Variants in IL1RAPL1 observed in about 807,000 individuals in gnomAD.
IL1RAPL1 encodes the protein interleukin 1 receptor accessory protein like 1, also known as interleukin-1 receptor accessory protein-like 1.
IL1RAPL1 carries 3 observed loss-of-function variants against 48.4 expected under a neutral mutation model. The ratio of observed to expected loss-of-function variants is 0.06; its 90% CI spans 0.03 to 0.16. The LOEUF (loss-of-function observed/expected upper bound fraction) is 0.16. Among genes scored for constraint, IL1RAPL1 ranks in the 10% least tolerant of loss-of-function variants. The pLI is 1.00. For synonymous variants in IL1RAPL1, 185 were observed against 187.7 expected (o/e 0.99, Z 0.12); for missense variants, 349 against 530.6 (o/e 0.66, Z 3.36).
chrX:28,587,705 TCTC>T lies in IL1RAPL1; in HGVS notation c.-363_-361del, dbSNP rs1933856967. 9.1e-6 allele frequency: 1 copy of T among 110,075 alleles called. No individual in the cohort carries two copies. The highest frequency in any genetic ancestry group is 1.9e-5 in the Non-Finnish European group (1 of 52,835). 9.1% of individuals were successfully genotyped at this position (110,075 alleles called of 1,213,427 possible). A position where few individuals can be genotyped will look rare whatever the true frequency, so the allele number is the denominator to read the frequency against. Reference sequence around the variant, plus strand: ...TATTTTCCCCTCTCTTTTTCTGCTCTCTCCTCTCTCAGTCTCTCCTTTTCTATC... The same window carrying T: ...TATTTTCCCCTCTCTTTTTCTGCTCTCTCTCTCAGTCTCTCCTTTTCTATC... On this transcript the variant is annotated 5_prime_UTR_variant, in exon 1 of 11. Transcript: ENST00000378993.
At chrX:28,592,670 G>A (rs1233040794) in intron 1 of IL1RAPL1, among the ~76,000 whole-genome samples, 1 of 111,442 alleles carries the variant, frequency 9.0e-6, no homozygotes. Flanking sequence ...TTTGTATTTT[G>A]GTTAAAATAG....
chrX:28,772,624 G>C (rs1601896963), intron 1 of IL1RAPL1, among the ~76,000 whole-genome samples: 1 of 111,985 alleles, frequency 8.9e-6, no homozygotes, highest in East Asian at 2.8e-4. Flanking sequence ...AAGGGAACTG[G>C]ATTTTCTCAG....
At chrX:29,652,249 C>T (rs904521480) in intron 5 of IL1RAPL1, among the ~76,000 whole-genome samples, 13 of 111,739 alleles carry the variant, frequency 1.2e-4, no homozygotes, top group African/African-American at 4.2e-4. Context: ...ATTCTTAGTG[C>T]GTTTACAATC....
In IL1RAPL1 at chrX:29,802,791, G is replaced by GTATA. The variant is rs1195101220; in HGVS notation, c.779-114657_779-114654dup. On this transcript the variant is annotated intron_variant, in intron 6 of 10. Transcript: ENST00000378993. Reference sequence around the variant, plus strand: ...TATATATATATATATATGTGTGTGTGTATATATATATATATATATGTGTGT... The same window carrying GTATA: ...TATATATATATATATATGTGTGTGTGTATATATATATATATATATATATGTGTGT... Among the ~76,000 whole-genome samples, 23 of 34,070 alleles carry GTATA rather than the reference G, an allele frequency of 6.8e-4. 1 individual carries two copies. The highest frequency in any genetic ancestry group is 4.1e-3 in the East Asian group (3 of 727). 29.6% of individuals were successfully genotyped at this position (34,070 alleles called of 115,157 possible). A position where few individuals can be genotyped will look rare whatever the true frequency, so the allele number is the denominator to read the frequency against.
chrX:29,492,645 C>T (rs1247544188), intron 5 of IL1RAPL1, among the ~76,000 whole-genome samples: 1 of 111,952 alleles, frequency 8.9e-6, no homozygotes, highest in Non-Finnish European at 1.9e-5. Flanking sequence ...GATTATTCAT[C>T]TTTAAAGACT....
At chrX:29,678,967 C>G (rs1053942906) in intron 6 of IL1RAPL1, among the ~76,000 whole-genome samples, 1 of 111,250 alleles carries the variant, frequency 9.0e-6, no homozygotes, top group Non-Finnish European at 1.9e-5. Flanking sequence ...GTGAGGCTAC[C>G]GACTTTCTCA....
At chrX:29,878,418 G>T (rs1262672503) in intron 6 of IL1RAPL1, among the ~76,000 whole-genome samples, 3 of 111,623 alleles carry the variant, frequency 2.7e-5, no homozygotes, top group South Asian at 7.3e-4. Context: ...GATTATTATG[G>T]TTATTCTTCT....
At chrX:29,613,920 C>T (rs1401102261) in intron 5 of IL1RAPL1, among the ~76,000 whole-genome samples, 2 of 107,706 alleles carry the variant, frequency 1.9e-5, no homozygotes, top group Admixed American at 1.0e-4. Flanking sequence ...CCTGCCACCA[C>T]GCCCGGCTAA....
chrX:29,265,971 T>G (rs770863043), intron 2 of IL1RAPL1, among the ~76,000 whole-genome samples: 1 of 110,402 alleles, frequency 9.1e-6, no homozygotes, highest in African/African-American at 3.3e-5. Context: ...AAACAACAGG[T>G]GCTGGAGAGG....
intron 1 of IL1RAPL1, among the ~76,000 whole-genome samples, chrX:28,729,818 A>G (rs1935731391): frequency 9.0e-6 from 1 of 110,681 alleles, no homozygotes; most frequent in Non-Finnish European, 1.9e-5. Flanking sequence ...CAACATGGTG[A>G]AACCCCATTT....
At chrX:28,614,844 C>T (rs1229823205) in intron 1 of IL1RAPL1, among the ~76,000 whole-genome samples, 1 of 111,438 alleles carries the variant, frequency 9.0e-6, no homozygotes, top group African/African-American at 3.3e-5. Flanking sequence ...GTTCACATCC[C>T]GGCTTTATGA....
At chrX:28,896,041 C>A (rs1222241200) in intron 2 of IL1RAPL1, among the ~76,000 whole-genome samples, 2 of 112,257 alleles carry the variant, frequency 1.8e-5, no homozygotes, top group Non-Finnish European at 3.8e-5. Context: ...GGCCAGATTT[C>A]CGGCACTTGT....
At chrX:29,893,443 T>C (rs1932312569) in intron 6 of IL1RAPL1, among the ~76,000 whole-genome samples, 1 of 111,207 alleles carries the variant, frequency 9.0e-6, no homozygotes, top group Admixed American at 9.6e-5. Context: ...ATACTATGTT[T>C]TCAGACAATC....
intron 2 of IL1RAPL1, among the ~76,000 whole-genome samples, chrX:29,254,853 A>G (rs944748582): frequency 8.9e-6 from 1 of 112,022 alleles, no homozygotes; most frequent in African/African-American, 3.2e-5. Flanking sequence ...AATTGTTTGT[A>G]AAAGTGTATC....
chrX:29,367,552 T>TTA (rs758434894), intron 3 of IL1RAPL1, among the ~76,000 whole-genome samples: 3 of 98,515 alleles, frequency 3.0e-5, no homozygotes, highest in African/African-American at 1.1e-4. Context: ...TTCTATTTAT[T>TTA]TTTATTTATT....
At chrX:29,069,371 C>T (rs1393083084) in intron 2 of IL1RAPL1, among the ~76,000 whole-genome samples, 1 of 111,018 alleles carries the variant, frequency 9.0e-6, no homozygotes, top group Non-Finnish European at 1.9e-5. Context: ...GGAACGTAAT[C>T]GAATGTGGAG....
intron 2 of IL1RAPL1, among the ~76,000 whole-genome samples, chrX:28,834,057 G>A (rs1179324285): frequency 9.0e-6 from 1 of 110,858 alleles, no homozygotes; most frequent in Non-Finnish European, 1.9e-5. Context: ...TGAGTAATTC[G>A]TTAAGTTTTA....
intron 2 of IL1RAPL1, among the ~76,000 whole-genome samples, chrX:29,019,855 C>T (rs1926324104): frequency 8.9e-6 from 1 of 112,098 alleles, no homozygotes; most frequent in Non-Finnish European, 1.9e-5. Flanking sequence ...CTGCCATGTA[C>T]AAGACTGTAG....
intron 8 of IL1RAPL1, among the ~76,000 whole-genome samples, chrX:29,921,391 A>G (rs982187315): frequency 1.1e-4 from 12 of 111,907 alleles, no homozygotes; most frequent in Non-Finnish European, 3.8e-5. Context: ...ATTGGGCAAT[A>G]GATTCCCTTT....
Sources: allele counts gnomAD v4.1 joint callset (sites outside exome capture counted in the v4.1 genomes callset), GRCh38; gene constraint gnomAD v4.1.1; transcripts MANE v1.5; gene names NCBI Gene and HGNC (gene_info 2026-07-23, HGNC 2026-07-21).